B3GNT5: variants seen among roughly 807,000 people sequenced by gnomAD.
B3GNT5 encodes UDP-GlcNAc:betaGal beta-1,3-N-acetylglucosaminyltransferase 5.
In B3GNT5, 11 loss-of-function variants were observed where a neutral mutation model predicts 25.9. The observed-to-expected ratio is 0.42, with a 90% CI of 0.27 to 0.70. The LOEUF (loss-of-function observed/expected upper bound fraction) is 0.70, where lower values mean the gene tolerates loss of function less well. Ranked by LOEUF, B3GNT5 falls within the 30% of genes least tolerant of loss-of-function variation. The probability of loss-of-function intolerance (pLI) is 0.23; values close to 1 mark genes in which losing one functional copy is unlikely to be tolerated. For synonymous variants in B3GNT5, 166 were observed against 158.6 expected (o/e 1.05, Z -0.35); for missense variants, 385 against 458.4 (o/e 0.84, Z 1.46).
chr3:183,261,852 T>C (rs927281246), intron 1 of B3GNT5, among the ~76,000 whole-genome samples: 5 of 151,596 alleles, frequency 3.3e-5, no homozygotes, highest in African/African-American at 9.7e-5. Context: ...GAGAGGATGA[T>C]TTTATGGTAG....
chr3:183,272,788 CT>C lies in B3GNT5; in HGVS notation c.*1854del. On this transcript the variant is annotated 3_prime_UTR_variant, in exon 2 of 2. Transcript: ENST00000326505. The stretch of plus-strand genomic sequence containing the variant: ...GTATTGCCTTTTGCCCATATATACC[CT>C]GTGTATCTATACTTGGAAGTGTTTA... 1 of 1,144,534 alleles carries C rather than the reference CT, an allele frequency of 8.7e-7. No homozygotes were observed. Among genetic ancestry groups the C allele is most frequent in the African/African-American group, 1.6e-5 (1 of 62,062 alleles). The allele number at this position is 1,144,534 out of a possible 1,614,324, so 70.9% of individuals were successfully genotyped here.
chr3:183,254,814 A>C (rs1375920072), intron 1 of B3GNT5: 3 of 152,186 alleles, frequency 2.0e-5, no homozygotes, highest in Admixed American at 6.5e-5. Flanking sequence ...AGGCGGGGAG[A>C]CTGCAGCCGC....
At chr3:183,260,838 TGGAC>T (rs1725517665) in intron 1 of B3GNT5, among the ~76,000 whole-genome samples, 1 of 152,256 alleles carries the variant, frequency 6.6e-6, no homozygotes, top group African/African-American at 2.4e-5. Context: ...TTAAAGTCTT[TGGAC>T]TAACACTGAA....
rs534958474 is a variant in B3GNT5 at position 183,268,147 on chromosome 3, T to G, written c.-301-1351T>G. 7.9e-5 allele frequency among the ~76,000 whole-genome samples: 12 copies of G among 152,370 alleles called. No homozygotes were observed. The South Asian group carries it at 2.5e-3, about 32-fold the overall frequency. On this transcript the variant is annotated intron_variant, in intron 1 of 1. Transcript: ENST00000326505. ...GAAGGTAGCCAGGCCACAGGACTGC[T>G]GGTGTAAAGACCAGGGCATATGAAA...
chr3:183,254,664 C>A (rs548449759), intron 1 of B3GNT5: 1 of 152,226 alleles, frequency 6.6e-6, no homozygotes, highest in Non-Finnish European at 1.5e-5. Context: ...GCCGGGGGCC[C>A]CAGGCTTGCG....
intron 1 of B3GNT5, chr3:183,253,841 G>C (rs1724745305): frequency 6.6e-6 from 1 of 152,314 alleles, no homozygotes; most frequent in Non-Finnish European, 1.5e-5. Context: ...CAGTTACGTG[G>C]TGAAAACACG....
chr3:183,255,078 T>C (rs536597716), intron 1 of B3GNT5, among the ~76,000 whole-genome samples: 1 of 152,328 alleles, frequency 6.6e-6, no homozygotes, highest in African/African-American at 2.4e-5. Flanking sequence ...CTCATATTTA[T>C]GGTAATTATC....
intron 1 of B3GNT5, among the ~76,000 whole-genome samples, chr3:183,254,959 CTT>C (rs1202281240): frequency 6.6e-6 from 1 of 152,214 alleles, no homozygotes; most frequent in East Asian, 1.9e-4. Flanking sequence ...CAACTCGACT[CTT>C]GACTACACCC....
At chr3:183,269,243 T>TTTTTTTTTTTTTTTTTC (rs1726484669) in intron 1 of B3GNT5, among the ~76,000 whole-genome samples, 1 of 148,654 alleles carries the variant, frequency 6.7e-6, no homozygotes, top group Non-Finnish European at 1.5e-5. Flanking sequence ...TTTTTTTTTT[T>TTTTTTTTTTTTTTTTTC]TTTTTAAGAG....
intron 1 of B3GNT5, among the ~76,000 whole-genome samples, chr3:183,262,040 GAT>G (rs1725641338): frequency 7.2e-6 from 1 of 138,450 alleles, no homozygotes; most frequent in African/African-American, 2.7e-5. Flanking sequence ...AAGTTTAAAA[GAT>G]ATAAAGGAAT....
At chr3:183,255,986 T>G (rs1725012825) in intron 1 of B3GNT5, among the ~76,000 whole-genome samples, 1 of 152,168 alleles carries the variant, frequency 6.6e-6, no homozygotes. Context: ...CCAATTGCAC[T>G]AGAATCTGCA....
chr3:183,270,298 A>T lies in B3GNT5; in HGVS notation c.500A>T (p.Asn167Ile). 1.2e-6 allele frequency: 2 copies of T among 1,614,224 alleles called. No homozygotes were observed. Among genetic ancestry groups the T allele is most frequent in the Non-Finnish European group, 1.7e-6 (2 of 1,180,036 alleles). ...IQQDFVDSFYNLTLKLLMQFS... is the reference protein window; with the variant it reads ...IQQDFVDSFYILTLKLLMQFS... ...CAAGACTTTGTTGATTCTTTCTACA[A>T]TCTTACTCTGAAATTACTTATGCAG... The change falls in exon 2 of 2, where the codon AAT (asparagine) becomes ATT (isoleucine). Residue 167 changes from asparagine (N) to isoleucine (I), a missense_variant. Asn to Ile is a moderately radical substitution (Grantham distance 149, BLOSUM62 -3). Transcript: ENST00000326505. The surrounding 1 kb of genome is among the most constrained non-coding windows in gnomAD (Gnocchi z 4.5).
rs1726864435 is a variant in B3GNT5, at chr3:183,272,511, C to A, written c.*1576C>A. On this transcript the variant is annotated 3_prime_UTR_variant, in exon 2 of 2. Transcript: ENST00000326505. ...TTAGCAGGTAGCTTTTTAATGTTTA[C>A]AGAAATTTTAATTTTTTTCTATTTT... is the stretch of plus-strand genomic sequence containing the variant. The A allele has an allele frequency of 2.0e-6, 2 of 995,440 alleles. No individual in the cohort carries two copies. The highest frequency in any genetic ancestry group is 6.1e-5 in the Admixed American group (1 of 16,262). 61.7% of individuals were successfully genotyped at this position (995,440 alleles called of 1,614,324 possible).
intron 1 of B3GNT5, among the ~76,000 whole-genome samples, chr3:183,263,330 T>C (rs755836206): frequency 3.1e-4 from 47 of 152,078 alleles, no homozygotes; most frequent in Non-Finnish European, 5.9e-4. Flanking sequence ...CTCCCCAACC[T>C]CAAACCAGCC....
chr3:183,256,841 A>G (rs1725084046), intron 1 of B3GNT5, among the ~76,000 whole-genome samples: 1 of 120,084 alleles, frequency 8.3e-6, no homozygotes, highest in Admixed American at 7.4e-5. Flanking sequence ...GGGAACAAGA[A>G]TAACGGAAGA....
At chr3:183,260,662 G>T (rs186180787) in intron 1 of B3GNT5, among the ~76,000 whole-genome samples, 6 of 151,114 alleles carry the variant, frequency 4.0e-5, no homozygotes, top group African/African-American at 1.2e-4. Context: ...GAAATTCCCC[G>T]TCTTTACTTC....
At chr3:183,268,780 TGGCTAAGGC>T (rs1403001882) in intron 1 of B3GNT5, among the ~76,000 whole-genome samples, 1 of 152,210 alleles carries the variant, frequency 6.6e-6, no homozygotes, top group African/African-American at 2.4e-5. Flanking sequence ...AAACCGTAAG[TGGCTAAGGC>T]GGCATTGGTG....
chr3:183,272,496 G>A lies in B3GNT5; in HGVS notation c.*1561G>A, dbSNP rs1726862949. 2.0e-6 allele frequency: 2 copies of A among 996,366 alleles called. No homozygotes were observed. Among genetic ancestry groups the A allele is most frequent in the Non-Finnish European group, 2.4e-6 (2 of 826,864 alleles). The allele number at this position is 996,366 out of a possible 1,614,324, so 61.7% of individuals were successfully genotyped here. On this transcript the variant is annotated 3_prime_UTR_variant, in exon 2 of 2. Transcript: ENST00000326505. Reference sequence around the variant, plus strand: ...TGATACTTACAATTTTTAGCAGGTAGCTTTTTAATGTTTACAGAAATTTTA... The same window carrying A: ...TGATACTTACAATTTTTAGCAGGTAACTTTTTAATGTTTACAGAAATTTTA...
chr3:183,260,568 T>A (rs929738618), intron 1 of B3GNT5, among the ~76,000 whole-genome samples: 2 of 152,180 alleles, frequency 1.3e-5, no homozygotes, highest in East Asian at 3.8e-4. Flanking sequence ...ATAACTTCCC[T>A]AAAATCTAAG....
Sources: allele counts gnomAD v4.1 joint callset (sites outside exome capture counted in the v4.1 genomes callset), GRCh38; gene constraint gnomAD v4.1.1; non-coding constraint Gnocchi (gnomAD v3.1); transcripts MANE v1.5; gene names NCBI Gene and HGNC (gene_info 2026-07-23, HGNC 2026-07-21).